Variants in HS3ST4 observed in about 807,000 individuals in gnomAD.
HS3ST4 encodes the protein heparan sulfate glucosamine 3-O-sulfotransferase 4.
HS3ST4 carries 17 observed loss-of-function variants against 29.2 expected under a neutral mutation model. The ratio of observed to expected loss-of-function variants is 0.58; its 90% CI spans 0.40 to 0.87. The LOEUF is 0.87. HS3ST4 is among the 40% of genes least tolerant of loss of function. The pLI is 0.00. For missense variants in HS3ST4, 627 were observed against 634.5 expected (o/e 0.99, Z 0.13); for synonymous variants, 314 against 285.7 (o/e 1.10, Z -1.00).
intron 1 of HS3ST4, among the ~76,000 whole-genome samples, chr16:25,874,803 G>A (rs911320810): frequency 7.9e-5 from 12 of 152,106 alleles, no homozygotes; most frequent in African/African-American, 2.4e-4. Flanking sequence ...CAGTGATACC[G>A]AGAGCATGGA....
chr16:25,764,763 A>G (rs1200979332), intron 1 of HS3ST4, among the ~76,000 whole-genome samples: 1 of 152,196 alleles, frequency 6.6e-6, no homozygotes, highest in Non-Finnish European at 1.5e-5. Context: ...CTAGATTTAG[A>G]AGGTTCTTTT....
intron 1 of HS3ST4, among the ~76,000 whole-genome samples, chr16:25,999,798 A>ATATTATATGT (rs1458342662): frequency 7.2e-6 from 1 of 138,122 alleles, no homozygotes; most frequent in Non-Finnish European, 1.5e-5. Context: ...TATTTTATAT[A>ATATTATATGT]TATTATATGT....
chr16:25,695,140 A>G (rs1411637523), intron 1 of HS3ST4, among the ~76,000 whole-genome samples: 2 of 152,138 alleles, frequency 1.3e-5, no homozygotes, highest in Non-Finnish European at 2.9e-5. Context: ...CTCCCAACCA[A>G]TGCTTGTGGT....
chr16:26,019,402 T>A (rs1191277838), intron 1 of HS3ST4, among the ~76,000 whole-genome samples: 2 of 152,274 alleles, frequency 1.3e-5, no homozygotes, highest in Admixed American at 6.5e-5. Context: ...TTAATCCAAG[T>A]GCCTTTTTTA....
At chr16:25,772,143 C>T (rs1304865814) in intron 1 of HS3ST4, among the ~76,000 whole-genome samples, 6 of 152,172 alleles carry the variant, frequency 3.9e-5, no homozygotes, top group African/African-American at 7.2e-5. Context: ...AGCTGTAGCC[C>T]GTGGACCCTT....
At chr16:25,802,244 A>G (rs970856012) in intron 1 of HS3ST4, among the ~76,000 whole-genome samples, 6 of 152,136 alleles carry the variant, frequency 3.9e-5, no homozygotes, top group African/African-American at 1.4e-4. Context: ...TAAATTTTTC[A>G]ACTTTAGAAT....
At chr16:25,758,653 AG>A (rs1966771585) in intron 1 of HS3ST4, among the ~76,000 whole-genome samples, 2 of 152,286 alleles carry the variant, frequency 1.3e-5, no homozygotes, top group East Asian at 1.9e-4. Flanking sequence ...TGCCATATGA[AG>A]GGAGATAGAA....
At position 25,781,226 on chromosome 16, in the gene HS3ST4, G is replaced by A. The variant is rs11645482; in HGVS notation, c.734+88075G>A. Among the ~76,000 whole-genome samples the A allele has an allele frequency of 5.8e-3, 886 of 152,300 alleles. 2 individuals are homozygous for A. Among genetic ancestry groups the A allele is most frequent in the South Asian group, 0.019 (94 of 4,828 alleles). On this transcript the variant is annotated intron_variant, in intron 1 of 1. Transcript: ENST00000331351. ...AAGTGTTTACTTGACTGGAACTGCC[G>A]TGAGCTGGTATCAGCGCTTTCTGGA...
rs780421499 is a variant in HS3ST4 at position 26,135,841 on chromosome 16, G to A, written c.964G>A (p.Gly322Arg). 1.5e-5 allele frequency: 24 copies of A among 1,613,842 alleles called. No individual in the cohort carries two copies. In the Admixed American group the frequency reaches 2.7e-4, roughly 18 times the overall value. The stretch of plus-strand genomic sequence containing the variant: ...GCTGGCCTTCAAAAACCGGACCCTC[G>A]GGCTGATCGATGCTTCCTGGAGTGC... ...EVLAFKNRTL[G>R]LIDASWSAIR... Residue 322 changes from glycine (G) to arginine (R), a missense_variant, in exon 2 of 2, where the codon GGG becomes AGG. By Grantham distance (125) the Gly-to-Arg change is moderately radical. This residue lies in a region of HS3ST4 where 225 missense variants were observed against 293.7 expected (regional missense o/e 0.77). Coordinates refer to ENST00000331351, the MANE Select transcript of HS3ST4 (RefSeq NM_006040.3).
Position 26,136,356 on chromosome 16 carries a change from C to T in HS3ST4, c.*108C>T. ...TCACTTGCTGGAGTGCCAAGTAGAT[C>T]TCCTCCTCCTTCATGCAGCCAGGAT... is the stretch of plus-strand genomic sequence containing the variant. On this transcript the variant is annotated 3_prime_UTR_variant, in exon 2 of 2. Coordinates refer to ENST00000331351, the MANE Select transcript of HS3ST4 (RefSeq NM_006040.3). 1 of 1,038,290 alleles carries T rather than the reference C, an allele frequency of 9.6e-7. No homozygotes were observed. 64.3% of individuals were successfully genotyped at this position (1,038,290 alleles called of 1,614,324 possible).
At chr16:26,056,561 C>G (rs757154772) in intron 1 of HS3ST4, among the ~76,000 whole-genome samples, 29 of 152,240 alleles carry the variant, frequency 1.9e-4, no homozygotes, top group Non-Finnish European at 3.8e-4. Context: ...AGACAGTGCT[C>G]TTCCCTCTAG....
At chr16:26,126,309 T>C (rs1376929552) in intron 1 of HS3ST4, among the ~76,000 whole-genome samples, 2 of 152,148 alleles carry the variant, frequency 1.3e-5, no homozygotes, top group African/African-American at 2.4e-5. Flanking sequence ...ATCTCAGATA[T>C]TTGCTTTCAG....
chr16:25,725,166 C>G (rs886245088), intron 1 of HS3ST4, among the ~76,000 whole-genome samples: 4 of 151,730 alleles, frequency 2.6e-5, no homozygotes, highest in African/African-American at 4.8e-5. Flanking sequence ...TGCTGCTTCT[C>G]TAAATGCATG....
chr16:26,079,290 T>G (rs1485216869), intron 1 of HS3ST4, among the ~76,000 whole-genome samples: 1 of 152,224 alleles, frequency 6.6e-6, no homozygotes. Context: ...AGGGGGCTTT[T>G]GGCAGCATGC....
intron 1 of HS3ST4, among the ~76,000 whole-genome samples, chr16:25,872,553 C>G (rs1967766103): frequency 6.6e-6 from 1 of 152,094 alleles, no homozygotes; most frequent in African/African-American, 2.4e-5. Context: ...GTAAGCAGAG[C>G]TCGCCCATGT....
At chr16:25,955,325 G>A (rs1385292087) in intron 1 of HS3ST4, among the ~76,000 whole-genome samples, 1 of 152,142 alleles carries the variant, frequency 6.6e-6, no homozygotes, top group Non-Finnish European at 1.5e-5. Context: ...TCTGCATAAT[G>A]TCCTAAAGGT....
At chr16:25,762,058 G>A (rs906752319) in intron 1 of HS3ST4, among the ~76,000 whole-genome samples, 2 of 152,162 alleles carry the variant, frequency 1.3e-5, no homozygotes, top group African/African-American at 4.8e-5. Flanking sequence ...ACTCATAAGA[G>A]TGGAGTCCCC....
intron 1 of HS3ST4, among the ~76,000 whole-genome samples, chr16:26,069,988 G>A (rs971484552): frequency 6.6e-6 from 1 of 152,030 alleles, no homozygotes; most frequent in African/African-American, 2.4e-5. Context: ...CCAAGTCTTT[G>A]CTATTGCGAA....
chr16:26,025,921 A>G (rs893031682), intron 1 of HS3ST4, among the ~76,000 whole-genome samples: 5 of 151,702 alleles, frequency 3.3e-5, no homozygotes, highest in Non-Finnish European at 7.4e-5. Context: ...GACTACATGC[A>G]CGTGCCACCA....
Sources: gnomAD v4.1 joint callset for allele counts (sites outside exome capture counted in the v4.1 genomes callset) on GRCh38, gnomAD v4.1.1 for gene constraint, gnomAD v4.1.1 regional missense constraint, MANE v1.5 for transcripts, NCBI Gene and HGNC (gene_info 2026-07-23, HGNC 2026-07-21) for gene names.